JHY: variants seen among roughly 807,000 people sequenced by gnomAD.
JHY encodes junctional cadherin complex regulator, also known as jhy protein homolog.
In JHY, 69 loss-of-function variants were observed where a neutral mutation model predicts 78.0. The ratio of observed to expected loss-of-function variants is 0.88; its 90% confidence interval spans 0.73 to 1.08. The LOEUF (loss-of-function observed/expected upper bound fraction) is 1.08, where lower values mean the gene tolerates loss of function less well. Among genes scored for constraint, JHY ranks in the 50% least tolerant of loss-of-function variants. The pLI is 0.00. For missense variants in JHY, 944 were observed against 927.8 expected (o/e 1.02, Z -0.23); for synonymous variants, 368 against 342.6 (o/e 1.07, Z -0.82).
rs1334343006 is a variant in JHY at position 122,961,345 on chromosome 11, T to A, written c.*1900T>A. On this transcript the variant is annotated 3_prime_UTR_variant, in exon 9 of 9. Coordinates refer to ENST00000227349, the MANE Select transcript of JHY (RefSeq NM_024806.4). ...TTTTTTTTGCTGTTGTTGTTGTTTT[T>A]AGACAGACTCTCGCTCTGTCACCCA... is the stretch of plus-strand genomic sequence containing the variant. 6.6e-6 allele frequency among the ~76,000 whole-genome samples: 1 copy of A among 152,040 alleles called. No homozygotes were observed. Among genetic ancestry groups the A allele is most frequent in the African/African-American group, 2.4e-5 (1 of 41,392 alleles).
intron 3 of JHY, among the ~76,000 whole-genome samples, chr11:122,915,568 A>G (rs1450473212): frequency 6.6e-6 from 1 of 152,128 alleles, no homozygotes; most frequent in East Asian, 1.9e-4. Context: ...GCTGGAGTGC[A>G]GTGGCACCAT....
chr11:122,886,537 C>T (rs1010580677), intron 2 of JHY, among the ~76,000 whole-genome samples: 3 of 152,142 alleles, frequency 2.0e-5, no homozygotes, highest in African/African-American at 7.2e-5. Context: ...TGATTTGGTC[C>T]AGGCGTTGCT....
intron 7 of JHY, among the ~76,000 whole-genome samples, chr11:122,956,816 G>A (rs1024618260): frequency 6.6e-6 from 1 of 152,206 alleles, no homozygotes; most frequent in Admixed American, 6.5e-5. Flanking sequence ...GGCCCGCACG[G>A]AAAAGTGGGG....
intron 5 of JHY, among the ~76,000 whole-genome samples, chr11:122,942,490 C>T (rs910577028): frequency 1.3e-5 from 2 of 152,066 alleles, no homozygotes; most frequent in African/African-American, 4.8e-5. Context: ...TTGGCATGAT[C>T]TTGGCTCACT....
chr11:122,920,989 C>A (rs1334565901), intron 3 of JHY, among the ~76,000 whole-genome samples: 1 of 151,392 alleles, frequency 6.6e-6, no homozygotes, highest in African/African-American at 2.4e-5. Flanking sequence ...AATGCAATTT[C>A]ATTTGATCAT....
intron 5 of JHY, among the ~76,000 whole-genome samples, chr11:122,943,697 A>T (rs555738414): frequency 2.0e-5 from 3 of 152,200 alleles, no homozygotes; most frequent in Non-Finnish European, 4.4e-5. Flanking sequence ...TGATGTAATC[A>T]ATATTTTTAT....
chr11:122,884,274 C>G (rs957591332), intron 1 of JHY, among the ~76,000 whole-genome samples: 23 of 152,100 alleles, frequency 1.5e-4, no homozygotes, highest in African/African-American at 4.6e-4. Context: ...TGATGATGCT[C>G]CTTGCAAACA....
intron 3 of JHY, among the ~76,000 whole-genome samples, chr11:122,918,023 C>A (rs573899828): frequency 1.3e-5 from 2 of 151,652 alleles, no homozygotes; most frequent in African/African-American, 4.9e-5. Context: ...GCCTCAGTCT[C>A]CCAAGTAGCT....
At chr11:122,922,285 A>G (rs1863383318) in intron 3 of JHY, among the ~76,000 whole-genome samples, 1 of 152,196 alleles carries the variant, frequency 6.6e-6, no homozygotes, top group Non-Finnish European at 1.5e-5. Flanking sequence ...ATCTCTCTAT[A>G]TATAAGTACA....
intron 2 of JHY, among the ~76,000 whole-genome samples, chr11:122,895,713 T>C (rs952578756): frequency 4.6e-5 from 7 of 152,200 alleles, no homozygotes; most frequent in South Asian, 2.1e-4. Context: ...CTGTGTAACC[T>C]TTCTATCAAA....
At chr11:122,910,627 A>C (rs780486793) in intron 3 of JHY, among the ~76,000 whole-genome samples, 3 of 152,336 alleles carry the variant, frequency 2.0e-5, no homozygotes, top group Non-Finnish European at 2.9e-5. Flanking sequence ...TACCTTTTCA[A>C]ATCTCTTAAT....
At chr11:122,930,683 C>T (rs1388283677) in intron 4 of JHY, among the ~76,000 whole-genome samples, 1 of 152,182 alleles carries the variant, frequency 6.6e-6, no homozygotes, top group Admixed American at 6.5e-5. Flanking sequence ...TCCTGAATCG[C>T]TTCGCACTTG....
At chr11:122,886,986 AG>A (rs1258388882) in intron 2 of JHY, among the ~76,000 whole-genome samples, 1 of 152,238 alleles carries the variant, frequency 6.6e-6, no homozygotes, top group African/African-American at 2.4e-5. Context: ...AAAAAAAGTA[AG>A]GGAATATGAA....
intron 3 of JHY, among the ~76,000 whole-genome samples, chr11:122,922,921 TA>T (rs1565322162): frequency 1.3e-5 from 2 of 148,898 alleles, no homozygotes; most frequent in Non-Finnish European, 3.0e-5. Flanking sequence ...GCTTCTCCAC[TA>T]CACAGCCCAC....
chr11:122,919,352 CAAAAAAAAAAAAAAA>C (rs72233254), intron 3 of JHY, among the ~76,000 whole-genome samples: 1 of 70,090 alleles, frequency 1.4e-5, no homozygotes, highest in Non-Finnish European at 3.0e-5. Context: ...GACTCTGTCT[CAAAAAAAAAAAAAAA>C]AAAAAAAAAG....
chr11:122,927,950 C>T (rs1216861304), intron 4 of JHY, among the ~76,000 whole-genome samples: 1 of 151,918 alleles, frequency 6.6e-6, no homozygotes, highest in Non-Finnish European at 1.5e-5. Context: ...AGGCTGGTCT[C>T]GAACTCCTGA....
chr11:122,961,198 A>T lies in JHY; in HGVS notation c.*1753A>T. 2.1e-6 allele frequency: 1 copy of T among 486,448 alleles called. No individual in the cohort carries two copies. The highest frequency in any genetic ancestry group is 3.9e-6 in the Non-Finnish European group (1 of 257,918). The allele number at this position is 486,448 out of a possible 1,614,324, so 30.1% of individuals were successfully genotyped here. ...CCCTCTACTGAAGTAGATAGTTTATATCTCCTAAAAATGAAACATTTGTTC... is the reference window on the plus strand; with the variant it reads ...CCCTCTACTGAAGTAGATAGTTTATTTCTCCTAAAAATGAAACATTTGTTC... On this transcript the variant is annotated 3_prime_UTR_variant, in exon 9 of 9. Coordinates refer to ENST00000227349, the MANE Select transcript of JHY (RefSeq NM_024806.4).
rs79303475 is a variant in JHY, at chr11:122,924,301, G to C, written c.865-596G>C. 4.4e-3 allele frequency among the ~76,000 whole-genome samples: 667 copies of C among 151,996 alleles called. 3 individuals carry two copies. Among genetic ancestry groups the C allele is most frequent in the African/African-American group, 0.015 (609 of 41,426 alleles). On this transcript the variant is annotated intron_variant, in intron 3 of 8. Coordinates refer to ENST00000227349, the MANE Select transcript of JHY (RefSeq NM_024806.4). Reference sequence around the variant, plus strand: ...GTTAGCAACATTGTTGCATGTGCAGGCTCCGGAGATAGACCACCCAGCTCT... The same window carrying C: ...GTTAGCAACATTGTTGCATGTGCAGCCTCCGGAGATAGACCACCCAGCTCT...
rs33999612 is a variant in JHY, at chr11:122,934,898, A to C, written c.1457A>C (p.His486Pro). The change falls in exon 5 of 9, where the codon CAC becomes CCC. Residue 486 changes from histidine to proline, a missense_variant. Coordinates refer to ENST00000227349, the MANE Select transcript of JHY (RefSeq NM_024806.4). ...AAAAGATTTTCATATCAGCAGCTAC[A>C]CACCCTTTCTGACATGGATTTGAAC... ...EEKRFSYQQL[H>P]TLSDMDLNNL... is the part of the protein sequence containing the mutation. The C allele has an allele frequency of 6.2e-7, 1 of 1,614,026 alleles. No homozygotes were observed. The highest frequency in any genetic ancestry group is 1.3e-5 in the African/African-American group (1 of 74,906).
Sources: gnomAD v4.1 joint callset for allele counts (sites outside exome capture counted in the v4.1 genomes callset) on GRCh38, gnomAD v4.1.1 for gene constraint, MANE v1.5 for transcripts, NCBI Gene and HGNC (gene_info 2026-07-23, HGNC 2026-07-21) for gene names.